CDH23: variants seen among roughly 807,000 people sequenced by gnomAD.
CDH23 encodes the protein cadherin-23.
A neutral mutation model predicts 317.1 loss-of-function variants in CDH23; 189 were observed. That is an observed-to-expected ratio of 0.60 (90% confidence interval 0.53 to 0.67). The LOEUF (loss-of-function observed/expected upper bound fraction) is 0.67, where lower values mean the gene tolerates loss of function less well. Ranked by LOEUF, CDH23 falls within the 30% of genes least tolerant of loss-of-function variation. The pLI is 0.00. For synonymous variants in CDH23, 1,839 were observed against 1,876.8 expected, an observed-to-expected ratio of 0.98 and a Z score of 0.52; for missense variants, 4,401 against 4,592.4, an observed-to-expected ratio of 0.96 and a Z score of 1.20.
intron 1 of CDH23, among the ~76,000 whole-genome samples, chr10:71,428,453 ATG>A (rs142212600): frequency 0.87 from 131,392 of 151,336 alleles, 57,160 homozygotes; most frequent in African/African-American, 0.91. Context: ...CACTTGTTTT[ATG>A]TGTGTGTGTG....
At chr10:71,432,751 C>T (rs1207613915) in intron 1 of CDH23, among the ~76,000 whole-genome samples, 8 of 152,296 alleles carry the variant, frequency 5.3e-5, no homozygotes, top group Non-Finnish European at 1.0e-4. Context: ...CCTCGCCTAG[C>T]GAGGAAAGAC....
chr10:71,782,088 C>T (rs995506592), intron 41 of CDH23, among the ~76,000 whole-genome samples: 1 of 152,208 alleles, frequency 6.6e-6, no homozygotes, highest in African/African-American at 2.4e-5. Context: ...GGCTGGAAGG[C>T]TGCTTTCTAT....
At chr10:71,403,644 G>A (rs1290204614) in intron 1 of CDH23, among the ~76,000 whole-genome samples, 4 of 151,028 alleles carry the variant, frequency 2.6e-5, no homozygotes, top group Non-Finnish European at 4.4e-5. Context: ...AGCCTCCCAA[G>A]TAGCTGGGAC....
At chr10:71,446,677 A>C (rs1850186800) in intron 3 of CDH23, among the ~76,000 whole-genome samples, 1 of 152,196 alleles carries the variant, frequency 6.6e-6, no homozygotes, top group African/African-American at 2.4e-5. Context: ...CCTTGTGAAT[A>C]TTTGAAGATG....
chr10:71,522,003 G>C (rs1419417834), intron 6 of CDH23, among the ~76,000 whole-genome samples: 2 of 152,114 alleles, frequency 1.3e-5, no homozygotes, highest in Non-Finnish European at 2.9e-5. Context: ...GGGCTCAGCT[G>C]CTCCTCTGTA....
intron 3 of CDH23, among the ~76,000 whole-genome samples, chr10:71,499,753 C>G (rs895292513): frequency 4.0e-5 from 6 of 150,172 alleles, no homozygotes; most frequent in Admixed American, 4.0e-4. Context: ...GCAGGAGAAT[C>G]GCTTGACCCC....
chr10:71,812,386 C>T (rs1449936329), intron 66 of CDH23, 94 bp from the exon 67 acceptor site: 21 of 1,604,668 alleles, frequency 1.3e-5, no homozygotes, highest in Non-Finnish European at 1.8e-5. Context: ...ACTATATGGC[C>T]AGGGAAATGG....
intron 2 of CDH23, 106 bp from the exon 3 acceptor site, chr10:71,446,212 G>A (rs1206602407): frequency 2.8e-6 from 3 of 1,085,822 alleles, no homozygotes; most frequent in African/African-American, 3.1e-5. Context: ...CCATGGCCAT[G>A]GACACAGGCT....
chr10:71,754,917 G>A (rs1398132306), intron 38 of CDH23, among the ~76,000 whole-genome samples: 1 of 152,178 alleles, frequency 6.6e-6, no homozygotes, highest in East Asian at 1.9e-4. Flanking sequence ...AGAAAGGGTT[G>A]AGCTAAGTTG....
In CDH23 at chr10:71,694,246, C is replaced by T; in HGVS notation, c.2276C>T (p.Thr759Ile). Residue 759 changes from threonine to isoleucine, a missense_variant, in exon 21 of 70, where the codon ACT becomes ATT. By Grantham distance (89) the Thr-to-Ile change is moderately conservative. Around this residue, in one of 3 missense-constraint regions of CDH23, gnomAD observed 3,068 missense variants for 3,203.3 expected, o/e 0.96. Coordinates refer to ENST00000224721, the MANE Select transcript of CDH23 (RefSeq NM_022124.6). The stretch of plus-strand genomic sequence containing the variant: ...GGGGGTGTGGGCCACAACCAGAAAA[C>T]TGGCATCGCCACCGTGAGTGCGCTC... ...VDGGVGHNQKTGIATVNITLL... is the reference protein window; with the variant it reads ...VDGGVGHNQKIGIATVNITLL... 1 of 1,612,490 alleles carries T rather than the reference C, an allele frequency of 6.2e-7. No individual in the cohort carries two copies. The highest frequency in any genetic ancestry group is 2.2e-5 in the East Asian group (1 of 44,836).
At chr10:71,803,536 T>A in intron 55 of CDH23, 116 bp downstream of exon 55, 1 of 915,810 alleles carries the variant, frequency 1.1e-6, no homozygotes, top group South Asian at 1.7e-5. Flanking sequence ...GGAAAGTAGC[T>A]CCAGGAAAAA....
At chr10:71,519,091 G>T (rs1323087234) in intron 6 of CDH23, among the ~76,000 whole-genome samples, 3 of 152,212 alleles carry the variant, frequency 2.0e-5, no homozygotes, top group Non-Finnish European at 2.9e-5. Flanking sequence ...GCCGATTCTA[G>T]CTGGGAGTCT....
intron 6 of CDH23, among the ~76,000 whole-genome samples, chr10:71,552,074 G>A (rs946560680): frequency 1.3e-5 from 2 of 152,218 alleles, no homozygotes; most frequent in African/African-American, 4.8e-5. Flanking sequence ...GGCTACTACC[G>A]CTATGACTGT....
Position 71,738,624 on chromosome 10 carries a change from C to T in CDH23, c.4336C>T (p.Pro1446Ser), listed in dbSNP as rs1243368265. Residue 1446 changes from proline to serine, a missense_variant, in exon 35 of 70, where the codon CCT (proline) becomes TCT (serine). This residue lies in a region of CDH23 where 3,068 missense variants were observed against 3,203.3 expected (regional missense o/e 0.96). Transcript: ENST00000224721. ...QRVATVKAWD[P>S]DAGSNGQVVF... is the part of the protein sequence containing the mutation. ...AGTGGCTACTGTCAAGGCCTGGGAC[C>T]CTGATGCTGGCAGCAATGGGCAGGT... is the stretch of plus-strand genomic sequence containing the variant. 6.2e-7 allele frequency: 1 copy of T among 1,613,346 alleles called. No individual in the cohort carries two copies. Among genetic ancestry groups the T allele is most frequent in the Non-Finnish European group, 8.5e-7 (1 of 1,179,788 alleles).
At chr10:71,784,662 C>T (rs1382532341) in intron 42 of CDH23, among the ~76,000 whole-genome samples, 5 of 152,208 alleles carry the variant, frequency 3.3e-5, no homozygotes, top group Non-Finnish European at 7.4e-5. Flanking sequence ...TCCATCACTG[C>T]CCCTCCTCTG....
At chr10:71,704,164 G>T (rs1322371683) in intron 24 of CDH23, among the ~76,000 whole-genome samples, 2 of 152,224 alleles carry the variant, frequency 1.3e-5, no homozygotes, top group Non-Finnish European at 2.9e-5. Flanking sequence ...ATGTGAAATA[G>T]ATCAGACGAC....
intron 28 of CDH23, chr10:71,716,324 C>A: frequency 6.7e-7 from 1 of 1,486,614 alleles, no homozygotes; most frequent in South Asian, 1.3e-5. Context: ...GAGGCTGGGG[C>A]CCTCTGTGCT....
At chr10:71,532,695 GTTTTCT>G (rs1208895519) in intron 6 of CDH23, among the ~76,000 whole-genome samples, 2 of 118,678 alleles carry the variant, frequency 1.7e-5, no homozygotes, top group Non-Finnish European at 3.6e-5. Flanking sequence ...ATGTTGGCAA[GTTTTCT>G]TTTGTTTTTG....
intron 28 of CDH23, 142 bp from the exon 29 acceptor site, chr10:71,723,903 C>A: frequency 1.1e-6 from 1 of 906,010 alleles, no homozygotes; most frequent in Non-Finnish European, 1.8e-6. Flanking sequence ...CCTTGTCTCC[C>A]ACACCCCCAG....
Sources: allele counts gnomAD v4.1 joint callset (sites outside exome capture counted in the v4.1 genomes callset), GRCh38; gene constraint gnomAD v4.1.1; regional missense constraint gnomAD v4.1.1; transcripts MANE v1.5; gene names NCBI Gene and HGNC (gene_info 2026-07-23, HGNC 2026-07-21).